The following SYNJ2 variants were observed in gnomAD, a reference collection of about 807,000 sequenced individuals.
SYNJ2 encodes synaptojanin 2, also known as polyphosphatidylinositol phosphatase SYNJ2.
In SYNJ2, 116 loss-of-function variants were observed where a neutral mutation model predicts 141.3. That is an observed-to-expected ratio of 0.82 (90% CI 0.71 to 0.96). The LOEUF is 0.96. Ranked by LOEUF, SYNJ2 falls within the 40% of genes least tolerant of loss-of-function variation. SYNJ2 has a pLI of 0.00. For missense variants in SYNJ2, 1,873 were observed against 1,934.8 expected, an observed-to-expected ratio of 0.97 and a Z score of 0.60; for synonymous variants, 745 against 777.7, an observed-to-expected ratio of 0.96 and a Z score of 0.70.
chr6:158,083,291 TG>T, intron 20 of SYNJ2, 137 bp from the exon 21 acceptor site: 1 of 1,029,744 alleles, frequency 9.7e-7, no homozygotes, highest in Non-Finnish European at 1.4e-6. Flanking sequence ...GCGTGAGGTC[TG>T]GACCCTTGGT....
chr6:158,043,044 C>T lies in SYNJ2; in HGVS notation c.712-272C>T, dbSNP rs1157263559. On this transcript the variant is annotated intron_variant, in intron 4 of 26. Transcript: ENST00000355585. The surrounding 1 kb of genome is among the most constrained non-coding windows in gnomAD (Gnocchi z 4.0). ...TTTTCAGGGTGACGATAAGGTTGTG[C>T]CCTAGAAGTGTGAATTCCCGGAGAC... Among the ~76,000 whole-genome samples, 1 of 152,170 alleles carries T rather than the reference C, an allele frequency of 6.6e-6. No homozygotes were observed. The highest frequency in any genetic ancestry group is 1.5e-5 in the Non-Finnish European group (1 of 68,032).
intron 5 of SYNJ2, among the ~76,000 whole-genome samples, chr6:158,048,256 T>G (rs886470738): frequency 3.3e-5 from 5 of 152,096 alleles, no homozygotes; most frequent in Admixed American, 3.3e-4. Context: ...TGGGGTGGGC[T>G]GCCCAAGGGT....
At chr6:158,066,819 C>T in intron 12 of SYNJ2, 184 bp downstream of exon 12, 1 of 670,762 alleles carries the variant, frequency 1.5e-6, no homozygotes, top group East Asian at 2.8e-5. Context: ...TGACCTTTTT[C>T]CTTTCCCAGA....
chr6:158,074,923 C>CTCTT (rs1464553095), intron 16 of SYNJ2, among the ~76,000 whole-genome samples, 185 bp downstream of exon 16: 1 of 144,268 alleles, frequency 6.9e-6, no homozygotes. Flanking sequence ...ACTTCCTGTC[C>CTCTT]TTTTTTTTTT....
intron 1 of SYNJ2, among the ~76,000 whole-genome samples, chr6:158,015,295 A>C (rs1158290597): frequency 6.6e-6 from 1 of 152,206 alleles, no homozygotes; most frequent in East Asian, 1.9e-4. Flanking sequence ...AGGCAGCCTA[A>C]GAATCCTTTT....
chr6:158,089,753 C>T, intron 24 of SYNJ2, 86 bp from the exon 25 acceptor site: 1 of 948,752 alleles, frequency 1.1e-6, no homozygotes, highest in Admixed American at 2.0e-5. Context: ...TGGAGCCCTG[C>T]ACAGACCCAC....
Position 158,064,913 on chromosome 6 carries a change from C to T in SYNJ2, c.1447C>T (p.Leu483=), listed in dbSNP as rs1377087342. ...FDGVKQEAIK[L]LLVGDVYGEE... ...CGGGGTGAAGCAGGAGGCCATCAAG[C>T]TGCTGCTGGTTGGGGACGTCTACGG... is the stretch of plus-strand genomic sequence containing the variant. Residue 483 remains leucine, a synonymous_variant, in exon 11 of 27, where the codon CTG becomes TTG. Coordinates refer to ENST00000355585, the MANE Select transcript of SYNJ2 (RefSeq NM_003898.4). 1.2e-6 allele frequency: 2 copies of T among 1,613,846 alleles called. No homozygotes were observed. Among genetic ancestry groups the T allele is most frequent in the Non-Finnish European group, 1.7e-6 (2 of 1,179,896 alleles).
intron 26 of SYNJ2, among the ~76,000 whole-genome samples, chr6:158,094,514 A>G (rs767286578): frequency 1.3e-4 from 20 of 152,124 alleles, no homozygotes; most frequent in Admixed American, 2.6e-4. Flanking sequence ...GCGCTTGTGC[A>G]CTAGGGTGAA....
At chr6:158,005,937 T>C (rs1778053380) in intron 1 of SYNJ2, among the ~76,000 whole-genome samples, 1 of 152,190 alleles carries the variant, frequency 6.6e-6, no homozygotes, top group Non-Finnish European at 1.5e-5. Context: ...AGGCCAGTGC[T>C]ACCTGTGTGC....
At chr6:158,086,039 G>A (rs907904977) in intron 22 of SYNJ2, among the ~76,000 whole-genome samples, 2 of 152,206 alleles carry the variant, frequency 1.3e-5, no homozygotes, top group Admixed American at 6.5e-5. Flanking sequence ...CACGGGACAC[G>A]TGGGTGGCTT....
intron 2 of SYNJ2, among the ~76,000 whole-genome samples, chr6:158,021,223 A>T (rs1395679969): frequency 6.6e-6 from 1 of 152,216 alleles, no homozygotes; most frequent in African/African-American, 2.4e-5. Flanking sequence ...GTTGTGCAGT[A>T]CGCAACCTGT....
chr6:157,989,728 G>GC (rs1477371049), intron 1 of SYNJ2, among the ~76,000 whole-genome samples: 9 of 152,098 alleles, frequency 5.9e-5, no homozygotes, highest in Admixed American at 3.9e-4. Flanking sequence ...TGAGGAAAGC[G>GC]CCCCCCAGTG....
intron 1 of SYNJ2, among the ~76,000 whole-genome samples, chr6:157,994,005 C>T (rs190773306): frequency 2.9e-4 from 44 of 151,412 alleles, no homozygotes; most frequent in African/African-American, 8.7e-4. Context: ...TTAGTAGAGA[C>T]GGGGTTTCAC....
intron 1 of SYNJ2, among the ~76,000 whole-genome samples, chr6:158,008,407 A>C (rs1279533099): frequency 1.3e-5 from 2 of 152,248 alleles, no homozygotes; most frequent in Non-Finnish European, 2.9e-5. Context: ...CATGCATTCA[A>C]GTCCCCTGGA....
At position 158,070,595 on chromosome 6, in the gene SYNJ2, C is replaced by A. The variant is rs1562380770; in HGVS notation, c.1940+922C>A. 1.2e-6 allele frequency: 1 copy of A among 823,408 alleles called. No homozygotes were observed. 51.0% of individuals were successfully genotyped at this position (823,408 alleles called of 1,614,324 possible). On this transcript the variant is annotated intron_variant, in intron 14 of 26. Coordinates refer to ENST00000355585, the MANE Select transcript of SYNJ2 (RefSeq NM_003898.4). This position sits in a 1 kb window ranked among gnomAD's most constrained non-coding sequence, Gnocchi z 4.0. ...CAGAGCTGAGGAGAGCCAGGTTTCCCAGGCTCGGTGTCCTCGGCTTCACGT... is the reference window on the plus strand; with the variant it reads ...CAGAGCTGAGGAGAGCCAGGTTTCCAAGGCTCGGTGTCCTCGGCTTCACGT...
chr6:158,092,950 C>T lies in SYNJ2; in HGVS notation c.3590C>T (p.Ala1197Val), dbSNP rs1389031130. The T allele has an allele frequency of 1.3e-6, 2 of 1,596,778 alleles. No homozygotes were observed. The highest frequency in any genetic ancestry group is 2.7e-5 in the African/African-American group (2 of 73,208). Residue 1197 changes from alanine (A) to valine (V), a missense_variant, in exon 26 of 27, where the codon GCC (alanine) becomes GTC (valine). Physicochemically the swap from Ala to Val is moderately conservative, Grantham distance 64. Transcript: ENST00000355585. The stretch of plus-strand genomic sequence containing the variant: ...GGTGCCTCCGAAGAAGCCCTAAGTG[C>T]CGTGGCCCCAAGGGACCTTGAAGCA... ...RGGASEEALS[A>V]VAPRDLEASS... is the part of the protein sequence containing the mutation.
intron 20 of SYNJ2, 128 bp from the exon 21 acceptor site, chr6:158,083,301 G>A: frequency 4.2e-6 from 5 of 1,190,880 alleles, no homozygotes; most frequent in Non-Finnish European, 5.8e-6. Flanking sequence ...TGGACCCTTG[G>A]TTTTTCAGGG....
At chr6:157,986,202 G>A (rs552192004) in intron 1 of SYNJ2, among the ~76,000 whole-genome samples, 181 of 152,302 alleles carry the variant, frequency 1.2e-3, no homozygotes, top group African/African-American at 3.8e-3. Flanking sequence ...GGCCCCTGAC[G>A]TGGGAAACTA....
At position 158,051,639 on chromosome 6, in the gene SYNJ2, T is replaced by C. The variant is rs543153940; in HGVS notation, c.796-3328T>C. On this transcript the variant is annotated intron_variant, in intron 5 of 26. Transcript: ENST00000355585. ...GGACCAAAAGGGATTTGGGACTTTG[T>C]TGAACTGTTTATATAAAAAAAACCT... Among the ~76,000 whole-genome samples the C allele has an allele frequency of 9.2e-5, 14 of 152,130 alleles. 1 individual carries two copies. The South Asian group carries it at 2.5e-3, about 27-fold the overall frequency.
Sources: allele counts gnomAD v4.1 joint callset (sites outside exome capture counted in the v4.1 genomes callset), GRCh38; gene constraint gnomAD v4.1.1; non-coding constraint Gnocchi (gnomAD v3.1); transcripts MANE v1.5; gene names NCBI Gene and HGNC (gene_info 2026-07-23, HGNC 2026-07-21).